BAK1: variants seen among roughly 807,000 people sequenced by gnomAD.
BAK1 encodes bcl-2 homologous antagonist/killer.
A neutral mutation model predicts 24.7 loss-of-function variants in BAK1; 19 were observed. That is an observed-to-expected ratio of 0.77 (90% CI 0.54 to 1.13). BAK1 has a LOEUF of 1.13. Among genes scored for constraint, BAK1 ranks in the 50% most tolerant of loss-of-function variants. The pLI is 0.00. For synonymous variants in BAK1, 86 were observed against 107.3 expected (o/e 0.80, Z 1.23); for missense variants, 194 against 279.4 (o/e 0.69, Z 2.18).
chr6:33,579,086 G>A (rs926181983), intron 1 of BAK1, among the ~76,000 whole-genome samples: 1 of 152,238 alleles, frequency 6.6e-6, no homozygotes, highest in African/African-American at 2.4e-5. Context: ...CTAGGGGCAA[G>A]GCCTTGTTAA....
intron 4 of BAK1, chr6:33,574,537 A>G (rs1762811545): frequency 7.1e-7 from 1 of 1,401,450 alleles, no homozygotes; most frequent in Non-Finnish European, 9.4e-7. Flanking sequence ...TGGCAGCCCG[A>G]GGGACAGCAG....
chr6:33,577,431 A>G lies in BAK1; in HGVS notation c.70+104T>C. The G allele has an allele frequency of 4.5e-6, 5 of 1,121,632 alleles. No homozygotes were observed. The South Asian group carries it at 6.9e-5, about 16-fold the overall frequency. The allele number at this position is 1,121,632 out of a possible 1,614,324, so 69.5% of individuals were successfully genotyped here. ...GTGGGGAAGAGTATTCCCCACCCAC[A>G]GTGGGTGAACCGAGGCGAAGGAGCC... is the stretch of plus-strand genomic sequence containing the variant. On this transcript the variant is annotated intron_variant, in intron 2 of 5. Coordinates refer to ENST00000374467, the MANE Select transcript of BAK1 (RefSeq NM_001188.4). The surrounding 1 kb of genome is among the most constrained non-coding windows in gnomAD (Gnocchi z 4.6).
In BAK1 at chr6:33,577,673, A is replaced by G; in HGVS notation, c.-31-38T>C. On this transcript the variant is annotated intron_variant, in intron 1 of 5. Coordinates refer to ENST00000374467, the MANE Select transcript of BAK1 (RefSeq NM_001188.4). The surrounding 1 kb of genome is among the most constrained non-coding windows in gnomAD (Gnocchi z 4.6). Reference sequence around the variant, plus strand: ...GCGAGAAAAAGCAGAGATGGGGGTGAGCACAGACCTGTGACTGGGGACCCC... The same window carrying G: ...GCGAGAAAAAGCAGAGATGGGGGTGGGCACAGACCTGTGACTGGGGACCCC... 2.9e-6 allele frequency: 4 copies of G among 1,383,242 alleles called. No homozygotes were observed. Among genetic ancestry groups the G allele is most frequent in the Non-Finnish European group, 4.0e-6 (4 of 1,011,492 alleles). 85.7% of individuals were successfully genotyped at this position (1,383,242 alleles called of 1,614,324 possible). A position where few individuals can be genotyped will look rare whatever the true frequency, so the allele number is the denominator to read the frequency against.
chr6:33,578,836 G>A lies in BAK1; in HGVS notation c.-32+1189C>T, dbSNP rs755908521. On this transcript the variant is annotated intron_variant, in intron 1 of 5. Transcript: ENST00000374467. This position sits in a 1 kb window ranked among gnomAD's most constrained non-coding sequence, Gnocchi z 4.8. ...AGAGCGCCCTCCTCCTATCCCAGAGGGAGGGGGTGTGCAGCCCCACCCTGG... is the reference window on the plus strand; with the variant it reads ...AGAGCGCCCTCCTCCTATCCCAGAGAGAGGGGGTGTGCAGCCCCACCCTGG... 6.6e-6 allele frequency among the ~76,000 whole-genome samples: 1 copy of A among 152,136 alleles called. No individual in the cohort carries two copies. The highest frequency in any genetic ancestry group is 1.5e-5 in the Non-Finnish European group (1 of 68,014).
chr6:33,575,722 C>A lies in BAK1; in HGVS notation c.206+71G>T. 6.3e-7 allele frequency: 1 copy of A among 1,581,934 alleles called. No homozygotes were observed. The highest frequency in any genetic ancestry group is 8.6e-7 in the Non-Finnish European group (1 of 1,162,954). On this transcript the variant is annotated intron_variant, in intron 3 of 5. Transcript: ENST00000374467. This position sits in a 1 kb window ranked among gnomAD's most constrained non-coding sequence, Gnocchi z 6.3. Reference sequence around the variant, plus strand: ...CCCGAGGCCTCCCCAGCTCCCAGGACCTGCACAGAGACCCATGCGAGCTAC... The same window carrying A: ...CCCGAGGCCTCCCCAGCTCCCAGGAACTGCACAGAGACCCATGCGAGCTAC...
rs2151254231 is a variant in BAK1, at chr6:33,573,218, A to C, written c.*585T>G. 6.5e-6 allele frequency: 1 copy of C among 152,774 alleles called. No individual in the cohort carries two copies. Among genetic ancestry groups the C allele is most frequent in the East Asian group, 2.0e-4 (1 of 5,094 alleles). 9.5% of individuals were successfully genotyped at this position (152,774 alleles called of 1,614,324 possible). A position where few individuals can be genotyped will look rare whatever the true frequency, so the allele number is the denominator to read the frequency against. On this transcript the variant is annotated 3_prime_UTR_variant, in exon 6 of 6. Coordinates refer to ENST00000374467, the MANE Select transcript of BAK1 (RefSeq NM_001188.4). Reference sequence around the variant, plus strand: ...TATGGCCGGAGGGAGGAATGGGAGCAGGGGTAGAGTTGAGCAGGACCTTGG... The same window carrying C: ...TATGGCCGGAGGGAGGAATGGGAGCCGGGGTAGAGTTGAGCAGGACCTTGG...
intron 2 of BAK1, 139 bp from the exon 3 acceptor site, chr6:33,576,067 G>A (rs183295478): frequency 3.8e-6 from 5 of 1,317,694 alleles, no homozygotes; most frequent in Admixed American, 5.1e-5. Flanking sequence ...GGTGGCTCAC[G>A]CCTATAATCC....
intron 2 of BAK1, among the ~76,000 whole-genome samples, chr6:33,576,331 CAA>C (rs11462912): frequency 2.4e-5 from 3 of 122,998 alleles, no homozygotes; most frequent in Non-Finnish European, 5.0e-5. Context: ...AACTCTGTCT[CAA>C]AAAAAAAAAA....
Position 33,572,791 on chromosome 6 carries a change from C to T in BAK1, c.*1012G>A, listed in dbSNP as rs1371103276. 2.6e-5 allele frequency: 4 copies of T among 152,218 alleles called. No individual in the cohort carries two copies. The highest frequency in any genetic ancestry group is 1.9e-4 in the East Asian group (1 of 5,226). The allele number at this position is 152,218 out of a possible 1,614,324, so 9.4% of individuals were successfully genotyped here. On this transcript the variant is annotated 3_prime_UTR_variant, in exon 6 of 6. Transcript: ENST00000374467. ...CAAGTATTCACAGTTCCCCCATCTACACCCCTGGATTACACTGTGCCAGAG... is the reference window on the plus strand; with the variant it reads ...CAAGTATTCACAGTTCCCCCATCTATACCCCTGGATTACACTGTGCCAGAG...
rs566643847 is a variant in BAK1, at chr6:33,577,839, G to A, written c.-31-204C>T. Among the ~76,000 whole-genome samples the A allele has an allele frequency of 1.4e-4, 22 of 152,284 alleles. No individual in the cohort carries two copies. Among genetic ancestry groups the A allele is most frequent in the Admixed American group, 1.4e-3 (22 of 15,300 alleles). On this transcript the variant is annotated intron_variant, in intron 1 of 5. Transcript: ENST00000374467. This position sits in a 1 kb window ranked among gnomAD's most constrained non-coding sequence, Gnocchi z 4.6. ...GGCCATCCACAGTGCTGGGATTACA[G>A]GTGTGAGCCACCGTGCCTGGCCTCC...
rs1762877425 is a variant in BAK1, at chr6:33,578,210, CT to C, written c.-31-576del. Among the ~76,000 whole-genome samples, 1 of 152,194 alleles carries C rather than the reference CT, an allele frequency of 6.6e-6. No individual in the cohort carries two copies. Among genetic ancestry groups the C allele is most frequent in the African/African-American group, 2.4e-5 (1 of 41,444 alleles). On this transcript the variant is annotated intron_variant, in intron 1 of 5. Transcript: ENST00000374467. This position sits in a 1 kb window ranked among gnomAD's most constrained non-coding sequence, Gnocchi z 4.8. ...TTCCCTCTGGCTGGCCAGAACACAC[CT>C]GTTTTTTAACTCTGGGCTGTTAGCC...
At position 33,578,132 on chromosome 6, in the gene BAK1, A is replaced by G. The variant is rs976650426; in HGVS notation, c.-31-497T>C. Among the ~76,000 whole-genome samples, 21 of 152,270 alleles carry G rather than the reference A, an allele frequency of 1.4e-4. No individual in the cohort carries two copies. The highest frequency in any genetic ancestry group is 5.9e-4 in the Admixed American group (9 of 15,296). On this transcript the variant is annotated intron_variant, in intron 1 of 5. Coordinates refer to ENST00000374467, the MANE Select transcript of BAK1 (RefSeq NM_001188.4). The surrounding 1 kb of genome is among the most constrained non-coding windows in gnomAD (Gnocchi z 4.8). ...GCCCACCCAGCACATGCTTATTGCA[A>G]GCGAGCCACTGCCCAGCCAATGGCC...
Position 33,577,044 on chromosome 6 carries a change from C to T in BAK1, c.70+491G>A, listed in dbSNP as rs1206382796. ...CAGACCTGGGACCTGATTCCCAAGT[C>T]CAGGGAACAGCCCGCCGTGAGGTGT... On this transcript the variant is annotated intron_variant, in intron 2 of 5. Coordinates refer to ENST00000374467, the MANE Select transcript of BAK1 (RefSeq NM_001188.4). The surrounding 1 kb of genome is among the most constrained non-coding windows in gnomAD (Gnocchi z 4.6). 6.6e-6 allele frequency among the ~76,000 whole-genome samples: 1 copy of T among 152,132 alleles called. No individual in the cohort carries two copies. Among genetic ancestry groups the T allele is most frequent in the Non-Finnish European group, 1.5e-5 (1 of 68,012 alleles).
chr6:33,577,486 G>C lies in BAK1; in HGVS notation c.70+49C>G, dbSNP rs1448151573. 2 of 1,490,718 alleles carry C rather than the reference G, an allele frequency of 1.3e-6. No individual in the cohort carries two copies. The highest frequency in any genetic ancestry group is 1.8e-6 in the Non-Finnish European group (2 of 1,102,654). The allele number at this position is 1,490,718 out of a possible 1,614,324, so 92.3% of individuals were successfully genotyped here. A position where few individuals can be genotyped will look rare whatever the true frequency, so the allele number is the denominator to read the frequency against. On this transcript the variant is annotated intron_variant, in intron 2 of 5. Coordinates refer to ENST00000374467, the MANE Select transcript of BAK1 (RefSeq NM_001188.4). The surrounding 1 kb of genome is among the most constrained non-coding windows in gnomAD (Gnocchi z 4.6). ...TGAGTCCTGCTCCTTCCATCCTCAC[G>C]ACAGCACTCATGGTTATGGGATGGG... is the stretch of plus-strand genomic sequence containing the variant.
chr6:33,576,441 T>C (rs551565063), intron 2 of BAK1, among the ~76,000 whole-genome samples: 7 of 151,412 alleles, frequency 4.6e-5, no homozygotes, highest in Admixed American at 2.6e-4. Context: ...CCATCCTGGC[T>C]AACATGGTGA....
chr6:33,577,058 G>A lies in BAK1; in HGVS notation c.70+477C>T, dbSNP rs549128707. 2.0e-5 allele frequency among the ~76,000 whole-genome samples: 3 copies of A among 152,340 alleles called. No individual in the cohort carries two copies. The highest frequency in any genetic ancestry group is 3.9e-4 in the East Asian group (2 of 5,188). ...GATTCCCAAGTCCAGGGAACAGCCC[G>A]CCGTGAGGTGTGAGCTGGGGCTTCC... On this transcript the variant is annotated intron_variant, in intron 2 of 5. Transcript: ENST00000374467. The surrounding 1 kb of genome is among the most constrained non-coding windows in gnomAD (Gnocchi z 4.6).
At position 33,574,118 on chromosome 6, in the gene BAK1, G is replaced by T; in HGVS notation, c.447C>A (p.Gly149=). The T allele has an allele frequency of 6.2e-7, 1 of 1,614,204 alleles. No individual in the cohort carries two copies. The highest frequency in any genetic ancestry group is 8.5e-7 in the Non-Finnish European group (1 of 1,180,044). ...CGAAGCGGGTCACCTGGCCTAGGAAGCCAGTCAGGCCATGCTGGTAGACGT... is the reference window on the plus strand; with the variant it reads ...CGAAGCGGGTCACCTGGCCTAGGAATCCAGTCAGGCCATGCTGGTAGACGT... ...ALHVYQHGLT[G]FLGQVTRFVV... The change falls in exon 5 of 6, where the codon GGC becomes GGA. Residue 149 remains glycine, a synonymous_variant. Coordinates refer to ENST00000374467, the MANE Select transcript of BAK1 (RefSeq NM_001188.4).
chr6:33,576,603 A>G (rs1474591836), intron 2 of BAK1, among the ~76,000 whole-genome samples: 1 of 151,870 alleles, frequency 6.6e-6, no homozygotes, highest in East Asian at 1.9e-4. Context: ...ACTGCACTCC[A>G]GCCTGGGCAA....
In BAK1 at chr6:33,575,253, A is replaced by C; in HGVS notation, c.350+45T>G. The C allele has an allele frequency of 1.2e-6, 2 of 1,613,900 alleles. No individual in the cohort carries two copies. The highest frequency in any genetic ancestry group is 1.7e-6 in the Non-Finnish European group (2 of 1,179,772). Reference sequence around the variant, plus strand: ...AGGCAGGGTATGGTATGGTTGTGACATGACAGAGGAGTGACTGGAGCTGGC... The same window carrying C: ...AGGCAGGGTATGGTATGGTTGTGACCTGACAGAGGAGTGACTGGAGCTGGC... On this transcript the variant is annotated intron_variant, in intron 4 of 5. Coordinates refer to ENST00000374467, the MANE Select transcript of BAK1 (RefSeq NM_001188.4). This position sits in a 1 kb window ranked among gnomAD's most constrained non-coding sequence, Gnocchi z 6.3.
Sources: allele counts gnomAD v4.1 joint callset (sites outside exome capture counted in the v4.1 genomes callset), GRCh38; gene constraint gnomAD v4.1.1; non-coding constraint Gnocchi (gnomAD v3.1); transcripts MANE v1.5; gene names NCBI Gene and HGNC (gene_info 2026-07-23, HGNC 2026-07-21).